The following EPHA6 variants were observed in gnomAD, a reference collection of about 807,000 sequenced individuals.
EPHA6 encodes EPH receptor A6, also known as ephrin type-A receptor 6.
A neutral mutation model predicts 112.0 loss-of-function variants in EPHA6; 50 were observed. That is an observed-to-expected ratio of 0.45 (90% CI 0.36 to 0.56). EPHA6 has a LOEUF of 0.56. Ranked by LOEUF, EPHA6 falls within the 20% of genes least tolerant of loss-of-function variation. The pLI is 0.00. For missense variants in EPHA6, 1,280 were observed against 1,417.4 expected (o/e 0.90, Z 1.56); for synonymous variants, 529 against 490.7 (o/e 1.08, Z -1.03).
chr3:97,094,296 A>AC (rs774937751), intron 3 of EPHA6, among the ~76,000 whole-genome samples: 4 of 151,976 alleles, frequency 2.6e-5, no homozygotes, highest in Admixed American at 6.6e-5. Flanking sequence ...CTCTTATTAG[A>AC]CCCCCCTAGC....
intron 2 of EPHA6, among the ~76,000 whole-genome samples, chr3:96,882,768 G>GTATA (rs1553723519): frequency 0.013 from 1,909 of 148,882 alleles, 66 homozygotes; most frequent in African/African-American, 0.043. Context: ...GTGTGTGTGT[G>GTATA]TATAGTCAAT....
chr3:97,719,956 T>C (rs1351308161), intron 14 of EPHA6, among the ~76,000 whole-genome samples: 1 of 152,204 alleles, frequency 6.6e-6, no homozygotes, highest in Non-Finnish European at 1.5e-5. Flanking sequence ...TCTGGAACTT[T>C]CTTCAAATGG....
intron 3 of EPHA6, among the ~76,000 whole-genome samples, chr3:97,143,431 T>G (rs938194873): frequency 1.3e-5 from 2 of 151,832 alleles, no homozygotes; most frequent in Non-Finnish European, 3.0e-5. Flanking sequence ...ACAAAGTCAA[T>G]TTTTAGATAC....
intron 11 of EPHA6, among the ~76,000 whole-genome samples, chr3:97,557,539 G>A (rs374884441): frequency 4.0e-5 from 6 of 151,670 alleles, no homozygotes; most frequent in Non-Finnish European, 8.8e-5. Context: ...ATATGTTCCC[G>A]ATATATGTCT....
chr3:97,028,428 A>G (rs2044715454), intron 3 of EPHA6, among the ~76,000 whole-genome samples: 1 of 152,120 alleles, frequency 6.6e-6, no homozygotes, highest in South Asian at 2.1e-4. Context: ...GTCTTCTTTA[A>G]TAGGTGGTAT....
At chr3:97,033,546 A>C (rs1286427697) in intron 3 of EPHA6, among the ~76,000 whole-genome samples, 1 of 152,004 alleles carries the variant, frequency 6.6e-6, no homozygotes, top group Non-Finnish European at 1.5e-5. Flanking sequence ...GGTTTTACTC[A>C]TAAAAAGTGG....
At chr3:97,689,983 G>A (rs982501434) in intron 14 of EPHA6, among the ~76,000 whole-genome samples, 1 of 152,154 alleles carries the variant, frequency 6.6e-6, no homozygotes, top group Non-Finnish European at 1.5e-5. Flanking sequence ...TTCTTGCCTA[G>A]TAATCTTCCA....
rs549165808 is a variant in EPHA6 at position 97,073,024 on chromosome 3, A to T, written c.1114+85031A>T. Among the ~76,000 whole-genome samples, 6 of 152,280 alleles carry T rather than the reference A, an allele frequency of 3.9e-5. No individual in the cohort carries two copies. In the South Asian group the frequency reaches 1.2e-3, roughly 32 times the overall value. On this transcript the variant is annotated intron_variant, in intron 3 of 17. Coordinates refer to ENST00000389672, the MANE Select transcript of EPHA6 (RefSeq NM_001080448.3). ...CCTAACAAGCTCTGTAACTGCTTGC[A>T]GCACAGCACAGCAAAGTGCCCCCTC... is the stretch of plus-strand genomic sequence containing the variant.
At position 96,834,543 on chromosome 3, in the gene EPHA6, C is replaced by G. The variant is rs534174801; in HGVS notation, c.385+19535C>G. The stretch of plus-strand genomic sequence containing the variant: ...ATTGCTAAGGGTGGATAGATAAAAG[C>G]CTGGAAGCCCTGTTGTTGTTTTTTT... On this transcript the variant is annotated intron_variant, in intron 1 of 17. Transcript: ENST00000389672. 2.0e-5 allele frequency among the ~76,000 whole-genome samples: 3 copies of G among 151,964 alleles called. No individual in the cohort carries two copies. In the East Asian group the frequency reaches 5.8e-4, roughly 29 times the overall value.
intron 3 of EPHA6, among the ~76,000 whole-genome samples, chr3:97,187,515 G>T (rs1475869031): frequency 6.7e-6 from 1 of 149,398 alleles, no homozygotes; most frequent in East Asian, 2.0e-4. Context: ...AGGTTGCAGT[G>T]AGCCAAGATT....
At chr3:97,186,544 A>G (rs774670475) in intron 3 of EPHA6, among the ~76,000 whole-genome samples, 15 of 152,232 alleles carry the variant, frequency 9.9e-5, no homozygotes, top group South Asian at 2.1e-4. Flanking sequence ...ACTTTGTCCA[A>G]TGAAAAGGAT....
intron 2 of EPHA6, among the ~76,000 whole-genome samples, chr3:96,954,007 G>A (rs750925451): frequency 6.6e-6 from 1 of 152,028 alleles, no homozygotes; most frequent in Non-Finnish European, 1.5e-5. Flanking sequence ...TGTGTAGCTG[G>A]GACTACAGGC....
chr3:97,229,049 C>A (rs2078445165), intron 4 of EPHA6, among the ~76,000 whole-genome samples: 1 of 152,028 alleles, frequency 6.6e-6, no homozygotes, highest in South Asian at 2.1e-4. Context: ...ATGTCCTTTG[C>A]CAACTTTTTG....
chr3:97,244,942 A>T (rs542041759), intron 5 of EPHA6, among the ~76,000 whole-genome samples: 2 of 151,970 alleles, frequency 1.3e-5, no homozygotes, highest in Non-Finnish European at 1.5e-5. Context: ...ACTTTCTTTA[A>T]TTCCTTCATA....
chr3:97,272,979 C>T (rs534755307), intron 5 of EPHA6, among the ~76,000 whole-genome samples: 5 of 152,004 alleles, frequency 3.3e-5, no homozygotes, highest in Admixed American at 1.3e-4. Flanking sequence ...AGGGCTGCTT[C>T]GAGCGGGATT....
At chr3:97,519,021 TTC>T (rs2092494123) in intron 10 of EPHA6, among the ~76,000 whole-genome samples, 1 of 152,190 alleles carries the variant, frequency 6.6e-6, no homozygotes, top group Non-Finnish European at 1.5e-5. Flanking sequence ...TTGTCTACTT[TTC>T]TTTTTGATGC....
At chr3:97,747,333 A>G in intron 16 of EPHA6, 90 bp from the exon 17 acceptor site, 1 of 1,136,538 alleles carries the variant, frequency 8.8e-7, no homozygotes, top group South Asian at 2.2e-5. Flanking sequence ...ATGTAAGAAT[A>G]TTGTAAAAGT....
intron 5 of EPHA6, among the ~76,000 whole-genome samples, chr3:97,395,592 A>G (rs959457522): frequency 1.3e-5 from 2 of 151,788 alleles, no homozygotes; most frequent in African/African-American, 2.4e-5. Flanking sequence ...AAAAAATTAT[A>G]TAGTCTTAAA....
chr3:97,310,465 T>G (rs533294097), intron 5 of EPHA6, among the ~76,000 whole-genome samples: 1 of 151,616 alleles, frequency 6.6e-6, no homozygotes, highest in East Asian at 2.0e-4. Flanking sequence ...GCATGATTGA[T>G]TTTCACCTGT....
Sources: allele counts gnomAD v4.1 joint callset (sites outside exome capture counted in the v4.1 genomes callset), GRCh38; gene constraint gnomAD v4.1.1; transcripts MANE v1.5; gene names NCBI Gene and HGNC (gene_info 2026-07-23, HGNC 2026-07-21).